Variants in GBA2 observed in about 807,000 individuals in gnomAD.
GBA2 encodes non-lysosomal glucosylceramidase.
In GBA2, 79 loss-of-function variants were observed where a neutral mutation model predicts 112.9. The observed-to-expected ratio is 0.70, with a 90% CI of 0.58 to 0.84. The LOEUF is 0.84. Among genes scored for constraint, GBA2 ranks in the 40% least tolerant of loss-of-function variants. The pLI is 0.00. For synonymous variants in GBA2, 403 were observed against 434.3 expected, an observed-to-expected ratio of 0.93 and a Z score of 0.90; for missense variants, 1,043 against 1,190.0, an observed-to-expected ratio of 0.88 and a Z score of 1.82.
chr9:35,738,099 A>C lies in GBA2; in HGVS notation c.2251T>G (p.Ser751Ala). 6.2e-7 allele frequency: 1 copy of C among 1,614,004 alleles called. No individual in the cohort carries two copies. The highest frequency in any genetic ancestry group is 8.5e-7 in the Non-Finnish European group (1 of 1,179,880). ...AACCACTGTCCAGCACACTGGTCAG[A>C]CATAACACTACGAGACTGAGGCCGA... Reference protein sequence around the residue: ...SSRPQSRSVMSDQCAGQWFLK... With the variant: ...SSRPQSRSVMADQCAGQWFLK... Residue 751 changes from serine to alanine, a missense_variant, in exon 15 of 17, where the codon TCT becomes GCT. Transcript: ENST00000378103.
Position 35,749,221 on chromosome 9 carries a change from T to C in GBA2, c.-517A>G, listed in dbSNP as rs549173942. ...GGGCGCCGGGATGACCCGAGCCCTT[T>C]CCGGTCTGGCCTGCCGGGCGCTTCC... On this transcript the variant is annotated 5_prime_UTR_variant, in exon 1 of 17. Coordinates refer to ENST00000378103, the MANE Select transcript of GBA2 (RefSeq NM_020944.3). This position sits in a 1 kb window ranked among gnomAD's most constrained non-coding sequence, Gnocchi z 4.4. The C allele has an allele frequency of 7.0e-5, 32 of 454,756 alleles. No individual in the cohort carries two copies. The East Asian group carries it at 2.1e-3, about 30-fold the overall frequency. 28.2% of individuals were successfully genotyped at this position (454,756 alleles called of 1,614,324 possible).
Position 35,739,337 on chromosome 9 carries a change from C to A in GBA2, c.1665G>T (p.Glu555Asp). Residue 555 changes from glutamate to aspartate, a missense_variant, in exon 10 of 17, where the codon GAG (glutamate) becomes GAT (aspartate). Glu to Asp is a conservative substitution (Grantham distance 45). Coordinates refer to ENST00000378103, the MANE Select transcript of GBA2 (RefSeq NM_020944.3). Reference sequence around the variant, plus strand: ...CACCCATGTCATACTGTAGGCTGAGCTCAAGTTTGGGCCAGAGCATGATGA... The same window carrying A: ...CACCCATGTCATACTGTAGGCTGAGATCAAGTTTGGGCCAGAGCATGATGA... ...FALIMLWPKL[E>D]LSLQYDMALA... 6.2e-7 allele frequency: 1 copy of A among 1,612,554 alleles called. No individual in the cohort carries two copies. Among genetic ancestry groups the A allele is most frequent in the Non-Finnish European group, 8.5e-7 (1 of 1,178,652 alleles).
chr9:35,743,938 C>T (rs1826837903), intron 3 of GBA2, among the ~76,000 whole-genome samples: 1 of 152,016 alleles, frequency 6.6e-6, no homozygotes, highest in South Asian at 2.1e-4. Flanking sequence ...TTTGGGTTTT[C>T]TTTTCCCTTC....
rs147030040 is a variant in GBA2 at position 35,738,945 on chromosome 9, T to C, written c.1796-42A>G. 614 of 1,611,704 alleles carry C rather than the reference T, an allele frequency of 3.8e-4. 1 individual carries two copies. The African/African-American group carries it at 7.0e-3, about 18-fold the overall frequency. On this transcript the variant is annotated intron_variant, in intron 11 of 16. Coordinates refer to ENST00000378103, the MANE Select transcript of GBA2 (RefSeq NM_020944.3). ...GACTTGGGTCACTTGCATTGGTGGATAGGGTAGAGGGTGCAAAAGTTGAGG... is the reference window on the plus strand; with the variant it reads ...GACTTGGGTCACTTGCATTGGTGGACAGGGTAGAGGGTGCAAAAGTTGAGG...
In GBA2 at chr9:35,739,725, C is replaced by G; in HGVS notation, c.1485G>C (p.Leu495=). Residue 495 remains leucine (L), a synonymous_variant, in exon 9 of 17, where the codon CTG becomes CTC. Coordinates refer to ENST00000378103, the MANE Select transcript of GBA2 (RefSeq NM_020944.3). The stretch of plus-strand genomic sequence containing the variant: ...CTGGTAGGGAGTCCTCAAGAACTTC[C>G]AGCCACACTGTGCCTCCATCAGCCA... ...YFLADGGTVW[L]EVLEDSLPEE... is the part of the protein sequence containing the mutation. The G allele has an allele frequency of 6.2e-7, 1 of 1,613,916 alleles. No homozygotes were observed. Among genetic ancestry groups the G allele is most frequent in the Non-Finnish European group, 8.5e-7 (1 of 1,179,764 alleles).
chr9:35,746,523 G>A lies in GBA2; in HGVS notation c.360-1817C>T, dbSNP rs549538226. 3.8e-4 allele frequency among the ~76,000 whole-genome samples: 58 copies of A among 152,220 alleles called. No individual in the cohort carries two copies. In the South Asian group the frequency reaches 6.2e-3, roughly 16 times the overall value. On this transcript the variant is annotated intron_variant, in intron 1 of 16. Coordinates refer to ENST00000378103, the MANE Select transcript of GBA2 (RefSeq NM_020944.3). The surrounding 1 kb of genome is among the most constrained non-coding windows in gnomAD (Gnocchi z 5.2). ...GGAGAATCGCTTGAACCCAGGAGACGGAGGTTGCACTGAGCTGAGATTGCA... is the reference window on the plus strand; with the variant it reads ...GGAGAATCGCTTGAACCCAGGAGACAGAGGTTGCACTGAGCTGAGATTGCA...
At chr9:35,742,518 C>G (rs962253332) in intron 3 of GBA2, among the ~76,000 whole-genome samples, 1 of 152,216 alleles carries the variant, frequency 6.6e-6, no homozygotes, top group African/African-American at 2.4e-5. Flanking sequence ...CCCCCCTCCC[C>G]TTCTATTCTA....
chr9:35,739,557 C>G (rs1322634780), intron 9 of GBA2, 71 bp downstream of exon 9: 1 of 1,459,288 alleles, frequency 6.9e-7, no homozygotes, highest in Non-Finnish European at 9.5e-7. Flanking sequence ...AACCAATACC[C>G]TGGGGTAGGC....
At chr9:35,739,539 C>G in intron 9 of GBA2, 89 bp downstream of exon 9, 2 of 1,358,510 alleles carry the variant, frequency 1.5e-6, no homozygotes, top group Non-Finnish European at 1.0e-6. Flanking sequence ...CCAACACCCC[C>G]TCATCCTAAC....
In GBA2 at chr9:35,741,317, T is replaced by C. The variant is rs918007238; in HGVS notation, c.787-253A>G. 2 of 546,020 alleles carry C rather than the reference T, an allele frequency of 3.7e-6. No homozygotes were observed. The highest frequency in any genetic ancestry group is 3.8e-5 in the African/African-American group (2 of 52,522). 33.8% of individuals were successfully genotyped at this position (546,020 alleles called of 1,614,324 possible). ...GCTCCAACCTCCCTTTCACAGGCCA[T>C]GCAGTTTCTTTTTTTTTTTTTTTGG... On this transcript the variant is annotated intron_variant, in intron 4 of 16. Transcript: ENST00000378103. This position sits in a 1 kb window ranked among gnomAD's most constrained non-coding sequence, Gnocchi z 4.6.
intron 14 of GBA2, 38 bp from the exon 15 acceptor site, chr9:35,738,190 CCT>C (rs764333999): frequency 1.2e-6 from 2 of 1,613,186 alleles, no homozygotes; most frequent in Non-Finnish European, 8.5e-7. Flanking sequence ...CTCCTGGTGT[CCT>C]CTCAGCTGCC....
rs547275867 is a variant in GBA2 at position 35,741,591 on chromosome 9, C to T, written c.786+81G>A. 1.0e-6 allele frequency: 1 copy of T among 956,612 alleles called. No individual in the cohort carries two copies. Among genetic ancestry groups the T allele is most frequent in the East Asian group, 2.4e-5 (1 of 41,762 alleles). 59.3% of individuals were successfully genotyped at this position (956,612 alleles called of 1,614,324 possible). ...GGGATTACAGGCGTGAGCTACCGCG[C>T]CTCGCAGGCCATGCAGTTTCTAGCA... On this transcript the variant is annotated intron_variant, in intron 4 of 16. Transcript: ENST00000378103. This position sits in a 1 kb window ranked among gnomAD's most constrained non-coding sequence, Gnocchi z 4.6.
rs781521917 is a variant in GBA2 at position 35,737,639 on chromosome 9, A to G, written c.2505+109T>C. 7.5e-6 allele frequency: 12 copies of G among 1,600,368 alleles called. 1 individual carries two copies. In the South Asian group the frequency reaches 1.3e-4, roughly 18 times the overall value. ...ATACCAGGGAAAAATGGGAGGCTTT[A>G]TAGACGGACAAGATGGCATTGGGTT... On this transcript the variant is annotated intron_variant, in intron 16 of 16. Coordinates refer to ENST00000378103, the MANE Select transcript of GBA2 (RefSeq NM_020944.3). The surrounding 1 kb of genome is among the most constrained non-coding windows in gnomAD (Gnocchi z 4.1).
In GBA2 at chr9:35,740,560, A is replaced by G; in HGVS notation, c.1095T>C (p.Asp365=). The change falls in exon 6 of 17, where the codon GAT becomes GAC. Residue 365 remains aspartate, a synonymous_variant. Transcript: ENST00000378103. This position sits in a 1 kb window ranked among gnomAD's most constrained non-coding sequence, Gnocchi z 4.7. The part of the protein sequence containing the change: ...PDSTGQQVWQ[D]LLQDGQLDSP... ...AGTCCAGCTGTCCATCCTGAAGTAG[A>G]TCCTGCCACACCTGCTGCCCCGTGC... is the stretch of plus-strand genomic sequence containing the variant. 1 of 1,613,806 alleles carries G rather than the reference A, an allele frequency of 6.2e-7. No individual in the cohort carries two copies. Among genetic ancestry groups the G allele is most frequent in the Non-Finnish European group, 8.5e-7 (1 of 1,179,758 alleles).
Position 35,737,086 on chromosome 9 carries a change from G to A in GBA2, c.*83C>T. 6.5e-7 allele frequency: 1 copy of A among 1,537,548 alleles called. No homozygotes were observed. Among genetic ancestry groups the A allele is most frequent in the Non-Finnish European group, 8.7e-7 (1 of 1,148,442 alleles). Reference sequence around the variant, plus strand: ...GGTATGATTGTCCTGATGGCTCAGGGTTGCAGGAGGTTCAGAGGGGAAGGA... The same window carrying A: ...GGTATGATTGTCCTGATGGCTCAGGATTGCAGGAGGTTCAGAGGGGAAGGA... On this transcript the variant is annotated 3_prime_UTR_variant, in exon 17 of 17. Coordinates refer to ENST00000378103, the MANE Select transcript of GBA2 (RefSeq NM_020944.3). The surrounding 1 kb of genome is among the most constrained non-coding windows in gnomAD (Gnocchi z 4.1).
chr9:35,740,693 C>A lies in GBA2; in HGVS notation c.1027-65G>T. ...GTACACTGGGTCCCGGCTAGCTCCC[C>A]AGCTCCTCTTACTTACTCTTAACCT... On this transcript the variant is annotated intron_variant, in intron 5 of 16. Coordinates refer to ENST00000378103, the MANE Select transcript of GBA2 (RefSeq NM_020944.3). This position sits in a 1 kb window ranked among gnomAD's most constrained non-coding sequence, Gnocchi z 4.7. The A allele has an allele frequency of 6.6e-7, 1 of 1,525,644 alleles. No individual in the cohort carries two copies. Among genetic ancestry groups the A allele is most frequent in the South Asian group, 1.1e-5 (1 of 87,836 alleles). 94.5% of individuals were successfully genotyped at this position (1,525,644 alleles called of 1,614,324 possible).
In GBA2 at chr9:35,740,697, T is replaced by A. The variant is rs1324613071; in HGVS notation, c.1027-69A>T. 4 of 1,519,484 alleles carry A rather than the reference T, an allele frequency of 2.6e-6. No homozygotes were observed. The highest frequency in any genetic ancestry group is 3.6e-6 in the Non-Finnish European group (4 of 1,098,048). 94.1% of individuals were successfully genotyped at this position (1,519,484 alleles called of 1,614,324 possible). A position where few individuals can be genotyped will look rare whatever the true frequency, so the allele number is the denominator to read the frequency against. On this transcript the variant is annotated intron_variant, in intron 5 of 16. Coordinates refer to ENST00000378103, the MANE Select transcript of GBA2 (RefSeq NM_020944.3). The surrounding 1 kb of genome is among the most constrained non-coding windows in gnomAD (Gnocchi z 4.7). ...ACTGGGTCCCGGCTAGCTCCCCAGC[T>A]CCTCTTACTTACTCTTAACCTCCCA...
At position 35,737,293 on chromosome 9, in the gene GBA2, T is replaced by C. The variant is rs1826262220; in HGVS notation, c.2660A>G (p.Gln887Arg). Residue 887 changes from glutamine (Q) to arginine (R), a missense_variant, in exon 17 of 17, where the codon CAG becomes CGG. Transcript: ENST00000378103. This position sits in a 1 kb window ranked among gnomAD's most constrained non-coding sequence, Gnocchi z 4.1. ...GTGCTGCTGCTGTTGCAGGGCTAGCTGCATGGCCCATATGCTCAGTGGCCG... is the reference window on the plus strand; with the variant it reads ...GTGCTGCTGCTGTTGCAGGGCTAGCCGCATGGCCCATATGCTCAGTGGCCG... ...YMRPLSIWAM[Q>R]LALQQQQHKK... The C allele has an allele frequency of 1.9e-6, 3 of 1,614,126 alleles. No individual in the cohort carries two copies. The highest frequency in any genetic ancestry group is 4.5e-5 in the East Asian group (2 of 44,882).
In GBA2 at chr9:35,737,895, A is replaced by AAAGATAGT; in HGVS notation, c.2350_2357dup (p.Phe786LeufsTer6). 6.2e-7 allele frequency: 1 copy of AAAGATAGT among 1,613,504 alleles called. No individual in the cohort carries two copies. The highest frequency in any genetic ancestry group is 8.5e-7 in the Non-Finnish European group (1 of 1,180,014). On this transcript the variant is annotated frameshift_variant, in exon 16 of 17. Coordinates refer to ENST00000378103, the MANE Select transcript of GBA2 (RefSeq NM_020944.3). LOFTEE classifies it high-confidence loss of function. This position sits in a 1 kb window ranked among gnomAD's most constrained non-coding sequence, Gnocchi z 4.1. ...CTGCAAAGGCCTGGACGTTCAGCTCAAAGATAGTTTGGAGAGCACGGACCA... is the reference window on the plus strand; with the variant it reads ...CTGCAAAGGCCTGGACGTTCAGCTCAAAGATAGTAAGATAGTTTGGAGAGCACGGACCA...
Sources: allele counts gnomAD v4.1 joint callset (sites outside exome capture counted in the v4.1 genomes callset), GRCh38; gene constraint gnomAD v4.1.1; non-coding constraint Gnocchi (gnomAD v3.1); transcripts MANE v1.5; gene names NCBI Gene and HGNC (gene_info 2026-07-23, HGNC 2026-07-21).